The following CSRP1 variants were observed in gnomAD, a reference collection of about 807,000 sequenced individuals.
CSRP1 encodes cysteine and glycine rich protein 1.
CSRP1 carries 16 observed loss-of-function variants against 25.4 expected under a neutral mutation model. The observed-to-expected ratio is 0.63, with a 90% CI of 0.43 to 0.96. CSRP1 has a LOEUF of 0.96. Ranked by LOEUF, CSRP1 falls within the 40% of genes least tolerant of loss-of-function variation. The pLI, the probability that CSRP1 is intolerant of heterozygous loss-of-function variation, is 0.00. For synonymous variants in CSRP1, 97 were observed against 95.3 expected (o/e 1.02, Z -0.10); for missense variants, 212 against 243.6 (o/e 0.87, Z 0.86).
rs1330189252 is a variant in CSRP1 at position 201,490,193 on chromosome 1, C to A, written c.264G>T (p.Leu88=). ...TTACTCACTCCTCGTGCTTGATACC[C>A]AGCGACTCCCCCTTGTCAGTGCTGA... ...GTLSTDKGES[L]GIKHEEAPGH... is the part of the protein sequence containing the mutation. Residue 88 remains leucine, a synonymous_variant, in exon 3 of 6, where the codon CTG becomes CTT. Coordinates refer to ENST00000340006, the MANE Select transcript of CSRP1 (RefSeq NM_004078.3). The A allele has an allele frequency of 2.5e-6, 4 of 1,613,790 alleles. No homozygotes were observed. Among genetic ancestry groups the A allele is most frequent in the Non-Finnish European group, 3.4e-6 (4 of 1,179,740 alleles).
At chr1:201,506,488 C>A (rs780646751) in intron 1 of CSRP1, 13 of 152,256 alleles carry the variant, frequency 8.5e-5, no homozygotes, top group African/African-American at 3.1e-4. Flanking sequence ...TTTATCACTT[C>A]CCAGCTTTCA....
intron 2 of CSRP1, among the ~76,000 whole-genome samples, chr1:201,494,841 CGT>C (rs768896991): frequency 0.17 from 26,509 of 151,910 alleles, 2,750 homozygotes; most frequent in East Asian, 0.48. Context: ...TGTGTGTGTG[CGT>C]GTGCACGTGT....
rs1165409611 is a variant in CSRP1, at chr1:201,490,158, A to C, written c.281+18T>G. 1.9e-6 allele frequency: 3 copies of C among 1,606,900 alleles called. No individual in the cohort carries two copies. In the South Asian group the frequency reaches 3.3e-5, roughly 18 times the overall value. On this transcript the variant is annotated intron_variant, in intron 3 of 5. Transcript: ENST00000340006. Reference sequence around the variant, plus strand: ...GAGAGAGCTCAAGAAAAAGGTTGGGAGGGGATCTTTTACTCACTCCTCGTG... The same window carrying C: ...GAGAGAGCTCAAGAAAAAGGTTGGGCGGGGATCTTTTACTCACTCCTCGTG...
intron 1 of CSRP1, among the ~76,000 whole-genome samples, chr1:201,501,820 C>T (rs1459282578): frequency 1.3e-5 from 2 of 151,900 alleles, no homozygotes; most frequent in African/African-American, 2.4e-5. Flanking sequence ...TAGTGAAACC[C>T]CATCTTTAAT....
chr1:201,490,453 T>G, intron 2 of CSRP1, 109 bp from the exon 3 acceptor site: 1 of 1,115,608 alleles, frequency 9.0e-7, no homozygotes, highest in Non-Finnish European at 1.3e-6. Context: ...GCATACATAA[T>G]ATCCTGATCT....
chr1:201,495,983 G>A lies in CSRP1; in HGVS notation c.112+209C>T, dbSNP rs1337118596. On this transcript the variant is annotated intron_variant, in intron 2 of 5. Transcript: ENST00000340006. ...CCCTGAACGCCTGCCACCCCGACCC[G>A]CTCTGGCCAGTTCATCCCTTAGAAA... 16 of 522,978 alleles carry A rather than the reference G, an allele frequency of 3.1e-5. 1 individual carries two copies. Among genetic ancestry groups the A allele is most frequent in the South Asian group, 1.9e-4 (6 of 31,862 alleles). The allele number at this position is 522,978 out of a possible 1,614,324, so 32.4% of individuals were successfully genotyped here.
Position 201,483,696 on chromosome 1 carries a change from C to T in CSRP1, c.*1017G>A. The T allele has an allele frequency of 3.3e-6, 1 of 301,602 alleles. No individual in the cohort carries two copies. The highest frequency in any genetic ancestry group is 4.0e-5 in the Admixed American group (1 of 24,802). 18.7% of individuals were successfully genotyped at this position (301,602 alleles called of 1,614,324 possible). The stretch of plus-strand genomic sequence containing the variant: ...TCCCACCACTATTCCTAACCTGGGG[C>T]CTGGCAGGGGTGGAGTGATGTGATC... On this transcript the variant is annotated 3_prime_UTR_variant, in exon 6 of 6. Transcript: ENST00000340006.
intron 1 of CSRP1, chr1:201,496,595 G>C (rs1339293138): frequency 2.3e-6 from 1 of 433,572 alleles, no homozygotes; most frequent in Non-Finnish European, 4.2e-6. Flanking sequence ...GAAGAAGCAG[G>C]CTTTATAAAG....
chr1:201,504,385 G>A (rs1233185240), intron 1 of CSRP1, among the ~76,000 whole-genome samples: 2 of 152,220 alleles, frequency 1.3e-5, no homozygotes, highest in Non-Finnish European at 2.9e-5. Flanking sequence ...TTATCTTAAG[G>A]AGAGGCCAAC....
Position 201,484,371 on chromosome 1 carries a change from T to G in CSRP1, c.*342A>C. 1 of 500,552 alleles carries G rather than the reference T, an allele frequency of 2.0e-6. No homozygotes were observed. Among genetic ancestry groups the G allele is most frequent in the Non-Finnish European group, 3.6e-6 (1 of 278,868 alleles). 31.0% of individuals were successfully genotyped at this position (500,552 alleles called of 1,614,324 possible). A position where few individuals can be genotyped will look rare whatever the true frequency, so the allele number is the denominator to read the frequency against. On this transcript the variant is annotated 3_prime_UTR_variant, in exon 6 of 6. Coordinates refer to ENST00000340006, the MANE Select transcript of CSRP1 (RefSeq NM_004078.3). ...CTCCTCTGGGTGCCAAGATGTGTCC[T>G]CAGGTGTCTTGGTCAGCTGATGATG...
At chr1:201,504,592 T>A (rs1172482500) in intron 1 of CSRP1, among the ~76,000 whole-genome samples, 2 of 144,212 alleles carry the variant, frequency 1.4e-5, no homozygotes, top group Non-Finnish European at 2.9e-5. Context: ...TATTTAAAAC[T>A]TTAACAACCT....
chr1:201,500,505 A>G lies in CSRP1; in HGVS notation c.-1-4201T>C, dbSNP rs377286871. Among the ~76,000 whole-genome samples, 478 of 152,348 alleles carry G rather than the reference A, an allele frequency of 3.1e-3. 1 individual carries two copies. Among genetic ancestry groups the G allele is most frequent in the African/African-American group, 0.011 (458 of 41,590 alleles). On this transcript the variant is annotated intron_variant, in intron 1 of 5. Transcript: ENST00000340006. ...GTCTCTTAGCCAGGCTGCTCTTTTG[A>G]GCCTGGTCATTTAGTTAGGGCGAGG...
intron 1 of CSRP1, among the ~76,000 whole-genome samples, chr1:201,503,827 G>A (rs867549011): frequency 6.6e-6 from 1 of 152,036 alleles, no homozygotes; most frequent in Non-Finnish European, 1.5e-5. Context: ...TCTCAAGCAC[G>A]CTCTTTTCCA....
intron 1 of CSRP1, among the ~76,000 whole-genome samples, chr1:201,505,243 T>C (rs545867959): frequency 5.3e-5 from 8 of 152,312 alleles, no homozygotes; most frequent in Non-Finnish European, 7.3e-5. Flanking sequence ...TGAAAGACCA[T>C]TGCTACCCCA....
Position 201,496,245 on chromosome 1 carries a change from G to T in CSRP1, c.59C>A (p.Ala20Asp). ...GTTGCCTTCGCACTGAACCTCTTCG[G>T]CAAAGTAAACCGTCTTCTGACACAC... ...CGVCQKTVYFAEEVQCEGNSF... is the reference protein window; with the variant it reads ...CGVCQKTVYFDEEVQCEGNSF... The change falls in exon 2 of 6, where the codon GCC (alanine) becomes GAC (aspartate). Residue 20 changes from alanine (A) to aspartate (D), a missense_variant. Physicochemically the swap from Ala to Asp is moderately radical, Grantham distance 126. Transcript: ENST00000340006. 1.2e-6 allele frequency: 2 copies of T among 1,614,188 alleles called. No individual in the cohort carries two copies. The highest frequency in any genetic ancestry group is 1.7e-6 in the Non-Finnish European group (2 of 1,180,048).
At chr1:201,501,008 T>C (rs1205676209) in intron 1 of CSRP1, among the ~76,000 whole-genome samples, 1 of 152,232 alleles carries the variant, frequency 6.6e-6, no homozygotes, top group Non-Finnish European at 1.5e-5. Flanking sequence ...TCGATCAATA[T>C]GGATTTACCC....
At chr1:201,493,983 C>T (rs1664420136) in intron 2 of CSRP1, among the ~76,000 whole-genome samples, 1 of 152,156 alleles carries the variant, frequency 6.6e-6, no homozygotes, top group Non-Finnish European at 1.5e-5. Context: ...ATGTGCAGTG[C>T]TAGGGGGTCC....
At chr1:201,491,703 A>G (rs1408968832) in intron 2 of CSRP1, 1 of 152,220 alleles carries the variant, frequency 6.6e-6, no homozygotes, top group Non-Finnish European at 1.5e-5. Flanking sequence ...CTTGTCCTGT[A>G]ATCCTAATTC....
intron 2 of CSRP1, among the ~76,000 whole-genome samples, chr1:201,493,186 G>GTA (rs1229995553): frequency 6.6e-6 from 1 of 152,214 alleles, no homozygotes; most frequent in African/African-American, 2.4e-5. Flanking sequence ...GACCATGGGA[G>GTA]TATACTGTAG....
Sources: gnomAD v4.1 joint callset for allele counts (sites outside exome capture counted in the v4.1 genomes callset) on GRCh38, gnomAD v4.1.1 for gene constraint, MANE v1.5 for transcripts, NCBI Gene and HGNC (gene_info 2026-07-23, HGNC 2026-07-21) for gene names.